The following GALNTL6 variants were observed in gnomAD, a reference collection of about 807,000 sequenced individuals.
The protein encoded by GALNTL6 is polypeptide N-acetylgalactosaminyltransferase like 6.
GALNTL6 carries 46 observed loss-of-function variants against 73.7 expected under a neutral mutation model. The ratio of observed to expected loss-of-function variants is 0.62; its 90% CI spans 0.49 to 0.80. The LOEUF is 0.80. GALNTL6 is among the 30% of genes least tolerant of loss of function. The probability of loss-of-function intolerance (pLI) is 0.00; values close to 1 mark genes in which losing one functional copy is unlikely to be tolerated. For synonymous variants in GALNTL6, 259 were observed against 263.7 expected (o/e 0.98, Z 0.17); for missense variants, 604 against 755.0 (o/e 0.80, Z 2.34).
In GALNTL6 at chr4:172,901,741, T is replaced by G. The variant is rs765993349; in HGVS notation, c.1041+18834T>G. Among the ~76,000 whole-genome samples the G allele has an allele frequency of 3.3e-5, 5 of 152,268 alleles. No individual in the cohort carries two copies. The East Asian group carries it at 9.6e-4, about 29-fold the overall frequency. On this transcript the variant is annotated intron_variant, in intron 8 of 12. Coordinates refer to ENST00000506823, the MANE Select transcript of GALNTL6 (RefSeq NM_001034845.3). ...TGCTCAAACAGTATTTGACTAGGAGTGCTCTTCAAATCTGTTTCTATGTAA... is the reference window on the plus strand; with the variant it reads ...TGCTCAAACAGTATTTGACTAGGAGGGCTCTTCAAATCTGTTTCTATGTAA...
Position 172,068,644 on chromosome 4 carries a change from C to A in GALNTL6, c.139-161012C>A, listed in dbSNP as rs1180764929. On this transcript the variant is annotated intron_variant, in intron 2 of 12. Coordinates refer to ENST00000506823, the MANE Select transcript of GALNTL6 (RefSeq NM_001034845.3). Reference sequence around the variant, plus strand: ...CTTTATTCCATCACTCTAGTTTGTTCTTTTTTACACATTAATAGACACAAT... The same window carrying A: ...CTTTATTCCATCACTCTAGTTTGTTATTTTTTACACATTAATAGACACAAT... 2.7e-5 allele frequency among the ~76,000 whole-genome samples: 3 copies of A among 109,708 alleles called. 1 individual carries two copies. Among genetic ancestry groups the A allele is most frequent in the Non-Finnish European group, 6.1e-5 (3 of 49,368 alleles). The allele number at this position is 109,708 out of a possible 152,430, so 72.0% of individuals were successfully genotyped here.
chr4:172,334,309 G>A (rs1005826078), intron 4 of GALNTL6, among the ~76,000 whole-genome samples: 1 of 151,974 alleles, frequency 6.6e-6, no homozygotes, highest in Admixed American at 6.6e-5. Context: ...ATTTTGATAG[G>A]GATTGTGTTG....
rs552667112 is a variant in GALNTL6 at position 171,924,148 on chromosome 4, C to T, written c.138+109430C>T. Among the ~76,000 whole-genome samples the T allele has an allele frequency of 1.8e-3, 272 of 149,834 alleles. 1 individual carries two copies. The highest frequency in any genetic ancestry group is 3.0e-3 in the Non-Finnish European group (201 of 67,558). ...GGCCTCTGGGAATAAAAGAACTAAA[C>T]ACATAAATTGGTTAAAAAAAATACA... On this transcript the variant is annotated intron_variant, in intron 2 of 12. Coordinates refer to ENST00000506823, the MANE Select transcript of GALNTL6 (RefSeq NM_001034845.3).
At chr4:172,939,084 A>G (rs1431085963) in intron 9 of GALNTL6, among the ~76,000 whole-genome samples, 3 of 152,166 alleles carry the variant, frequency 2.0e-5, no homozygotes, top group Non-Finnish European at 2.9e-5. Context: ...CAGGAGGATC[A>G]CTTGAGAACA....
chr4:171,963,221 G>C (rs528772825), intron 2 of GALNTL6, among the ~76,000 whole-genome samples: 2 of 152,004 alleles, frequency 1.3e-5, no homozygotes. Context: ...CATTTTATTT[G>C]TGCCATTAAT....
At chr4:172,056,451 T>C (rs1048329641) in intron 2 of GALNTL6, among the ~76,000 whole-genome samples, 3 of 152,148 alleles carry the variant, frequency 2.0e-5, no homozygotes, top group Non-Finnish European at 4.4e-5. Flanking sequence ...TTTCTATTTA[T>C]ATTTTTTCAA....
intron 5 of GALNTL6, among the ~76,000 whole-genome samples, chr4:172,543,747 CTG>C (rs1735657402): frequency 6.6e-6 from 1 of 152,200 alleles, no homozygotes; most frequent in African/African-American, 2.4e-5. Context: ...GCTATCTGTA[CTG>C]CCAATACTGG....
chr4:172,609,625 C>CTGTGTGTGTGTGTG (rs35490374), intron 5 of GALNTL6, among the ~76,000 whole-genome samples: 57 of 92,776 alleles, frequency 6.1e-4, no homozygotes, highest in African/African-American at 2.1e-3. Flanking sequence ...CTCTCTCTCT[C>CTGTGTGTGTGTGTG]TGTGTGTGTG....
At chr4:172,297,306 G>T (rs1388142019) in intron 3 of GALNTL6, among the ~76,000 whole-genome samples, 2 of 152,112 alleles carry the variant, frequency 1.3e-5, no homozygotes, top group African/African-American at 4.8e-5. Flanking sequence ...TCTGTAGGTT[G>T]CCTGTTCACT....
chr4:172,253,842 T>C (rs1436670816), intron 3 of GALNTL6, among the ~76,000 whole-genome samples: 1 of 151,956 alleles, frequency 6.6e-6, no homozygotes, highest in African/African-American at 2.4e-5. Flanking sequence ...TGTTTGTTCA[T>C]TTGTTTTAGA....
At chr4:171,961,368 G>A (rs934346248) in intron 2 of GALNTL6, among the ~76,000 whole-genome samples, 3 of 152,088 alleles carry the variant, frequency 2.0e-5, no homozygotes, top group African/African-American at 7.2e-5. Context: ...AGGGCCTCAA[G>A]AGGAGAAGAA....
intron 5 of GALNTL6, among the ~76,000 whole-genome samples, chr4:172,778,452 G>A (rs1739190162): frequency 6.6e-6 from 1 of 152,226 alleles, no homozygotes; most frequent in Admixed American, 6.5e-5. Flanking sequence ...ATACATAACA[G>A]CTAAATTGGT....
At chr4:172,513,824 A>C (rs991252742) in intron 5 of GALNTL6, among the ~76,000 whole-genome samples, 1 of 152,090 alleles carries the variant, frequency 6.6e-6, no homozygotes, top group East Asian at 1.9e-4. Flanking sequence ...GAGTGGAGTG[A>C]GGTGGACTCT....
intron 8 of GALNTL6, among the ~76,000 whole-genome samples, chr4:172,922,006 G>A (rs937844914): frequency 6.6e-6 from 1 of 152,182 alleles, no homozygotes; most frequent in Non-Finnish European, 1.5e-5. Context: ...ATTCTCATAT[G>A]TTGTGGGAGG....
intron 2 of GALNTL6, among the ~76,000 whole-genome samples, chr4:172,032,664 T>C (rs575088615): frequency 6.6e-6 from 1 of 152,082 alleles, no homozygotes. Context: ...TTTTAATGCT[T>C]GCATGTATCA....
chr4:171,815,367 C>T (rs1579477250), intron 2 of GALNTL6: 1 of 152,412 alleles, frequency 6.6e-6, no homozygotes, highest in East Asian at 1.9e-4. Context: ...TTGGAAACAC[C>T]CATACTAAAG....
At chr4:171,854,477 TC>T (rs1364744566) in intron 2 of GALNTL6, among the ~76,000 whole-genome samples, 1 of 152,216 alleles carries the variant, frequency 6.6e-6, no homozygotes, top group Non-Finnish European at 1.5e-5. Context: ...GCTTGTGGAC[TC>T]CTGCCACAGT....
At chr4:173,009,373 A>C in intron 11 of GALNTL6, 79 bp downstream of exon 11, 1 of 869,572 alleles carries the variant, frequency 1.1e-6, no homozygotes, top group Non-Finnish European at 2.0e-6. Flanking sequence ...AGCTGGAACA[A>C]ATCTCCGAAT....
chr4:172,713,361 G>A (rs1327764624), intron 5 of GALNTL6, among the ~76,000 whole-genome samples: 2 of 151,750 alleles, frequency 1.3e-5, no homozygotes, highest in Non-Finnish European at 2.9e-5. Context: ...CATCTAGTGT[G>A]GAGACCCATG....
Sources: allele counts gnomAD v4.1 joint callset (sites outside exome capture counted in the v4.1 genomes callset), GRCh38; gene constraint gnomAD v4.1.1; transcripts MANE v1.5; gene names NCBI Gene and HGNC (gene_info 2026-07-23, HGNC 2026-07-21).